NRN1: variants seen among roughly 807,000 people sequenced by gnomAD.
The protein encoded by NRN1 is neuritin 1, also known as neuritin.
A neutral mutation model predicts 15.0 loss-of-function variants in NRN1; 4 were observed. The ratio of observed to expected loss-of-function variants is 0.27; its 90% confidence interval spans 0.13 to 0.61. The LOEUF is 0.61. Among genes scored for constraint, NRN1 ranks in the 20% least tolerant of loss-of-function variants. NRN1 has a pLI of 0.87. For synonymous variants in NRN1, 85 were observed against 79.8 expected, an observed-to-expected ratio of 1.07 and a Z score of -0.35; for missense variants, 134 against 181.9, an observed-to-expected ratio of 0.74 and a Z score of 1.51.
At chr6:6,002,209 G>A (rs1757967925) in intron 2 of NRN1, 144 bp downstream of exon 2, 8 of 1,060,576 alleles carry the variant, frequency 7.5e-6, no homozygotes, top group South Asian at 5.9e-5. Flanking sequence ...TCCTAGGCCT[G>A]GGGGTTGGAG....
At chr6:6,003,280 A>G (rs3792947) in intron 1 of NRN1, 1 of 1,233,336 alleles carries the variant, frequency 8.1e-7, no homozygotes, top group South Asian at 4.1e-5. Flanking sequence ...TGGTCTGGAG[A>G]GGAGAAGGCC....
At chr6:6,002,234 T>G (rs770069302) in intron 2 of NRN1, 119 bp downstream of exon 2, 2 of 1,316,966 alleles carry the variant, frequency 1.5e-6, no homozygotes. Context: ...AAGGCAAGAG[T>G]GAGCCGATGC....
In NRN1 at chr6:6,000,722, C is replaced by CTTTTTTTT. The variant is rs55712329; in HGVS notation, c.201-1526_201-1519dup. 1.9e-3 allele frequency among the ~76,000 whole-genome samples: 114 copies of CTTTTTTTT among 60,856 alleles called. 20 individuals carry two copies. The highest frequency in any genetic ancestry group is 6.9e-3 in the African/African-American group (104 of 14,968). 39.9% of individuals were successfully genotyped at this position (60,856 alleles called of 152,430 possible). On this transcript the variant is annotated intron_variant, in intron 2 of 2. Coordinates refer to ENST00000244766, the MANE Select transcript of NRN1 (RefSeq NM_016588.3). ...CCTGCTAAAGGATGCCTAAATTGCT[C>CTTTTTTTT]TTTTTTTTTTTTTTTTTTTTTTTTT...
chr6:6,004,169 G>T, intron 1 of NRN1: 1 of 326,620 alleles, frequency 3.1e-6, no homozygotes, highest in Non-Finnish European at 4.5e-6. Context: ...CTCCGCTGGG[G>T]CAGATACGTA....
intron 1 of NRN1, chr6:6,004,035 C>G (rs1758041135): frequency 8.5e-7 from 1 of 1,183,212 alleles, no homozygotes; most frequent in Non-Finnish European, 1.0e-6. Context: ...GGAAGGTGAC[C>G]GAACCCGTAG....
At chr6:5,999,465 G>A (rs949864847) in intron 2 of NRN1, among the ~76,000 whole-genome samples, 2 of 152,270 alleles carry the variant, frequency 1.3e-5, no homozygotes, top group African/African-American at 2.4e-5. Context: ...CAGTTGCCGG[G>A]AGAGGACTAG....
chr6:6,000,057 C>T (rs1396041140), intron 2 of NRN1, among the ~76,000 whole-genome samples: 2 of 152,232 alleles, frequency 1.3e-5, no homozygotes, highest in Admixed American at 1.3e-4. Flanking sequence ...TTCTCCCTCC[C>T]CAGTCTTTTC....
At chr6:6,003,698 G>C (rs1758029688) in intron 1 of NRN1, 1 of 1,234,170 alleles carries the variant, frequency 8.1e-7, no homozygotes, top group African/African-American at 1.6e-5. Context: ...TGGAAGGACA[G>C]GTACCAGGCT....
intron 1 of NRN1, chr6:6,003,587 GGGAGGAGGA>G (rs3838670): frequency 6.6e-5 from 39 of 594,320 alleles, no homozygotes; most frequent in Admixed American, 5.3e-4. Flanking sequence ...GCTGAGCGGC[GGGAGGAGGA>G]GGAGGAGGAG....
chr6:6,001,038 A>G (rs1003793778), intron 2 of NRN1, among the ~76,000 whole-genome samples: 1 of 152,196 alleles, frequency 6.6e-6, no homozygotes, highest in Non-Finnish European at 1.5e-5. Context: ...ATCCTTATAG[A>G]TATACATTCT....
At chr6:6,006,964 G>C (rs1198524484), upstream of NRN1, 9 of 228,458 alleles carry the variant, frequency 3.9e-5, no homozygotes, top group Non-Finnish European at 6.1e-5. Context: ...AGAGGCTGAG[G>C]GGGGGGGGAG....
At chr6:6,002,616 G>A in intron 1 of NRN1, 119 bp from the exon 2 acceptor site, 2 of 1,352,300 alleles carry the variant, frequency 1.5e-6, no homozygotes, top group Non-Finnish European at 2.0e-6. Flanking sequence ...CTCTCCCAGC[G>A]CCCAGCCTCG....
chr6:6,002,237 G>A (rs773428296), intron 2 of NRN1, 116 bp downstream of exon 2: 33 of 1,339,020 alleles, frequency 2.5e-5, no homozygotes, highest in Non-Finnish European at 3.1e-5. Flanking sequence ...GCAAGAGTGA[G>A]CCGATGCGGA....
At chr6:6,001,196 C>A (rs547997992) in intron 2 of NRN1, among the ~76,000 whole-genome samples, 6 of 152,260 alleles carry the variant, frequency 3.9e-5, no homozygotes, top group African/African-American at 1.4e-4. Flanking sequence ...TTAGCAAAAC[C>A]TAAACAAACA....
At chr6:6,000,270 A>G (rs1255219314) in intron 2 of NRN1, among the ~76,000 whole-genome samples, 2 of 151,940 alleles carry the variant, frequency 1.3e-5, no homozygotes, top group African/African-American at 2.4e-5. Context: ...CAGCTCCTAG[A>G]CCCACCCCCA....
chr6:6,005,791 A>G (rs1561905643), intron 1 of NRN1, among the ~76,000 whole-genome samples: 1 of 152,212 alleles, frequency 6.6e-6, no homozygotes, highest in African/African-American at 2.4e-5. Context: ...GTGTCGGAGA[A>G]GGGGGTTTTC....
In NRN1 at chr6:6,002,489, C is replaced by T; in HGVS notation, c.64G>A (p.Val22Met). ...TTGCCCGCTGCTCTCACGGCCTGCA[C>T]CAGATACGCTGCGGGGAGGAGGGAA... Reference protein sequence around the residue: ...LILAVQIAYLVQAVRAAGKCD... With the variant: ...LILAVQIAYLMQAVRAAGKCD... The change falls in exon 2 of 3, where the codon GTG becomes ATG. Residue 22 changes from valine to methionine, a missense_variant. By Grantham distance (21) the Val-to-Met change is conservative. Coordinates refer to ENST00000244766, the MANE Select transcript of NRN1 (RefSeq NM_016588.3). 1.2e-6 allele frequency: 2 copies of T among 1,613,712 alleles called. No individual in the cohort carries two copies. The highest frequency in any genetic ancestry group is 1.7e-6 in the Non-Finnish European group (2 of 1,179,798).
intron 2 of NRN1, among the ~76,000 whole-genome samples, chr6:6,001,022 T>G (rs887823179): frequency 1.3e-5 from 2 of 152,208 alleles, no homozygotes; most frequent in African/African-American, 4.8e-5. Context: ...TATGCAACCT[T>G]TTGTTATCCT....
At chr6:6,003,324 G>A (rs1004337494) in intron 1 of NRN1, 1 of 1,113,862 alleles carries the variant, frequency 9.0e-7, no homozygotes. Context: ...GAGTCTGCCT[G>A]GGTCACCTCC....
Sources: gnomAD v4.1 joint callset for allele counts (sites outside exome capture counted in the v4.1 genomes callset) on GRCh38, gnomAD v4.1.1 for gene constraint, MANE v1.5 for transcripts, NCBI Gene and HGNC (gene_info 2026-07-23, HGNC 2026-07-21) for gene names.